Variants in CCDC90B observed in about 807,000 individuals in gnomAD.
The protein encoded by CCDC90B is coiled-coil domain containing 90B.
In CCDC90B, 24 loss-of-function variants were observed where a neutral mutation model predicts 37.0. That is an observed-to-expected ratio of 0.65 (90% CI 0.47 to 0.91). The LOEUF is 0.91. Among genes scored for constraint, CCDC90B ranks in the 40% least tolerant of loss-of-function variants. The pLI is 0.00. For synonymous variants in CCDC90B, 113 were observed against 101.1 expected, an observed-to-expected ratio of 1.12 and a Z score of -0.71; for missense variants, 319 against 299.0, an observed-to-expected ratio of 1.07 and a Z score of -0.49.
At chr11:83,278,076 CTTT>C (rs1865151246) in intron 3 of CCDC90B, among the ~76,000 whole-genome samples, 1 of 152,038 alleles carries the variant, frequency 6.6e-6, no homozygotes, top group Admixed American at 6.5e-5. Context: ...AAAATTATTG[CTTT>C]TTGTCCATAC....
chr11:83,275,519 CAAAA>C (rs35773488), intron 3 of CCDC90B, among the ~76,000 whole-genome samples: 1 of 133,442 alleles, frequency 7.5e-6, no homozygotes. Flanking sequence ...GCAAATATTC[CAAAA>C]AAAAAAAAAA....
chr11:83,271,328 G>C (rs1475466886), intron 7 of CCDC90B, among the ~76,000 whole-genome samples: 1 of 152,140 alleles, frequency 6.6e-6, no homozygotes, highest in African/African-American at 2.4e-5. Flanking sequence ...CCATCAGAGT[G>C]AACAGGCAAC....
intron 7 of CCDC90B, among the ~76,000 whole-genome samples, chr11:83,272,637 G>T (rs1219751703): frequency 6.6e-6 from 1 of 152,188 alleles, no homozygotes; most frequent in Non-Finnish European, 1.5e-5. Context: ...ACAGAAAGTA[G>T]TTGTAAAAGA....
At chr11:83,279,299 A>C (rs7109846) in intron 2 of CCDC90B, among the ~76,000 whole-genome samples, 3,142 of 152,084 alleles carry the variant, frequency 0.021, 97 homozygotes, top group African/African-American at 0.071. Flanking sequence ...CAAAAAAAAA[A>C]CAAACAAAAA....
In CCDC90B at chr11:83,280,277, T is replaced by A. The variant is rs754151475; in HGVS notation, c.101-17A>T. Reference sequence around the variant, plus strand: ...TGAAGAACTCTGAAAGAGAAGACAATTTTTTTCTTTTGTAGTAACTGATAG... The same window carrying A: ...TGAAGAACTCTGAAAGAGAAGACAAATTTTTTCTTTTGTAGTAACTGATAG... On this transcript the variant is annotated splice_polypyrimidine_tract_variant and intron_variant, in intron 1 of 8. Coordinates refer to ENST00000529689, the MANE Select transcript of CCDC90B (RefSeq NM_021825.5). 1.2e-6 allele frequency: 2 copies of A among 1,606,498 alleles called. No individual in the cohort carries two copies. Among genetic ancestry groups the A allele is most frequent in the African/African-American group, 2.7e-5 (2 of 74,540 alleles).
intron 1 of CCDC90B, chr11:83,285,334 C>G: frequency 1.7e-6 from 2 of 1,187,558 alleles, no homozygotes; most frequent in Non-Finnish European, 2.1e-6. Context: ...GGGGTGCCAA[C>G]AGGTTGGAAA....
intron 3 of CCDC90B, among the ~76,000 whole-genome samples, chr11:83,276,349 T>C (rs1161639990): frequency 1.3e-5 from 2 of 152,160 alleles, no homozygotes; most frequent in East Asian, 3.9e-4. Flanking sequence ...AATAAGGGAT[T>C]GTACTGTGGC....
chr11:83,277,536 G>A (rs916779026), intron 3 of CCDC90B, among the ~76,000 whole-genome samples: 4 of 151,902 alleles, frequency 2.6e-5, no homozygotes, highest in African/African-American at 4.8e-5. Context: ...AGGCTGGAGC[G>A]CAGTGGTGCA....
In CCDC90B at chr11:83,280,145, A is replaced by C. The variant is rs1351448051; in HGVS notation, c.216T>G (p.Thr72=). 3.1e-6 allele frequency: 5 copies of C among 1,609,930 alleles called. No homozygotes were observed. The highest frequency in any genetic ancestry group is 4.2e-6 in the Non-Finnish European group (5 of 1,179,274). ...DTHALVQDLE[T]HGFDKTQAET... is the part of the protein sequence containing the mutation. ...GGAGGTATCCATGTTTCTCACCATG[A>C]GTTTCCAAGTCCTGAACCAATGCAT... The change falls in exon 2 of 9, where the codon ACT becomes ACG. Residue 72 remains threonine (T), a synonymous_variant. Transcript: ENST00000529689.
rs1565214580 is a variant in CCDC90B at position 83,273,982 on chromosome 11, A to G, written c.437T>C (p.Ile146Thr). 2 of 1,571,112 alleles carry G rather than the reference A, an allele frequency of 1.3e-6. No individual in the cohort carries two copies. Among genetic ancestry groups the G allele is most frequent in the Non-Finnish European group, 1.7e-6 (2 of 1,160,556 alleles). Reference sequence around the variant, plus strand: ...TTGTTGCTTAACTTGGTCTAATTCAATTTTCATTTTCTAGGTACAGGAAAG... The same window carrying G: ...TTGTTGCTTAACTTGGTCTAATTCAGTTTTCATTTTCTAGGTACAGGAAAG... The part of the protein sequence containing the change: ...NLRAENEKMK[I>T]ELDQVKQQLM... Residue 146 changes from isoleucine to threonine, a missense_variant, in exon 5 of 9, where the codon ATT becomes ACT. Physicochemically the swap from Ile to Thr is moderately conservative, Grantham distance 89. Coordinates refer to ENST00000529689, the MANE Select transcript of CCDC90B (RefSeq NM_021825.5).
chr11:83,262,044 T>C lies in CCDC90B; in HGVS notation c.710-78A>G. ...GAGATAAAGAGAATAATGTTATCTT[T>C]AAGTGAAGAGCAAAAAACAGGAAAT... On this transcript the variant is annotated intron_variant, in intron 8 of 8. Transcript: ENST00000529689. 4 of 992,302 alleles carry C rather than the reference T, an allele frequency of 4.0e-6. No homozygotes were observed. In the Admixed American group the frequency reaches 7.6e-5, roughly 19 times the overall value. The allele number at this position is 992,302 out of a possible 1,614,324, so 61.5% of individuals were successfully genotyped here. A position where few individuals can be genotyped will look rare whatever the true frequency, so the allele number is the denominator to read the frequency against.
In CCDC90B at chr11:83,260,973, G is replaced by A. The variant is rs1460697157; in HGVS notation, c.*938C>T. On this transcript the variant is annotated 3_prime_UTR_variant, in exon 9 of 9. Coordinates refer to ENST00000529689, the MANE Select transcript of CCDC90B (RefSeq NM_021825.5). ...GGGTTAACTTAAACTACATTAAGAA[G>A]CAGGGATAAACTGGTTTTTGAGTAT... The A allele has an allele frequency of 6.6e-6, 1 of 152,154 alleles. No homozygotes were observed. The highest frequency in any genetic ancestry group is 1.5e-5 in the Non-Finnish European group (1 of 68,020). The allele number at this position is 152,154 out of a possible 1,614,324, so 9.4% of individuals were successfully genotyped here.
At chr11:83,270,826 A>G (rs1183581285) in intron 7 of CCDC90B, among the ~76,000 whole-genome samples, 1 of 152,234 alleles carries the variant, frequency 6.6e-6, no homozygotes, top group East Asian at 1.9e-4. Flanking sequence ...GACAATCCTA[A>G]GCAAAAAGAA....
intron 1 of CCDC90B, among the ~76,000 whole-genome samples, chr11:83,282,931 A>T (rs1865474438): frequency 6.6e-6 from 1 of 152,224 alleles, no homozygotes; most frequent in Admixed American, 6.5e-5. Flanking sequence ...ATTCATTAGA[A>T]CTAGATAGTT....
chr11:83,277,466 TG>T (rs1304427150), intron 3 of CCDC90B, among the ~76,000 whole-genome samples: 2 of 152,058 alleles, frequency 1.3e-5, no homozygotes, highest in Admixed American at 1.3e-4. Flanking sequence ...CTACTATAAT[TG>T]GAGATTACAG....
intron 3 of CCDC90B, among the ~76,000 whole-genome samples, chr11:83,275,820 C>A (rs1160390650): frequency 6.6e-6 from 1 of 152,134 alleles, no homozygotes; most frequent in East Asian, 1.9e-4. Flanking sequence ...TCTCTGGTCT[C>A]CTCATTGGTA....
intron 3 of CCDC90B, among the ~76,000 whole-genome samples, chr11:83,275,749 C>T (rs1240978627): frequency 1.3e-5 from 2 of 152,170 alleles, no homozygotes; most frequent in Non-Finnish European, 2.9e-5. Flanking sequence ...TGGAGTCAGG[C>T]TGTCTAGGTT....
chr11:83,270,256 G>A (rs1279759893), intron 7 of CCDC90B, among the ~76,000 whole-genome samples: 1 of 152,200 alleles, frequency 6.6e-6, no homozygotes, highest in Non-Finnish European at 1.5e-5. Flanking sequence ...AGACGAGGAT[G>A]CCCTCTCTCA....
chr11:83,268,574 T>C (rs187545318), intron 7 of CCDC90B, among the ~76,000 whole-genome samples: 3 of 152,314 alleles, frequency 2.0e-5, no homozygotes, highest in Admixed American at 6.5e-5. Context: ...TAAATATATA[T>C]GCACCCAATA....
Sources: gnomAD v4.1 joint callset for allele counts (sites outside exome capture counted in the v4.1 genomes callset) on GRCh38, gnomAD v4.1.1 for gene constraint, MANE v1.5 for transcripts, NCBI Gene and HGNC (gene_info 2026-07-23, HGNC 2026-07-21) for gene names.